Variants in GRIK2 observed in about 807,000 individuals in gnomAD.
GRIK2 encodes the protein glutamate receptor ionotropic, kainate 2.
In GRIK2, 32 loss-of-function variants were observed where a neutral mutation model predicts 100.3. The ratio of observed to expected loss-of-function variants is 0.32; its 90% CI spans 0.24 to 0.43. The LOEUF (loss-of-function observed/expected upper bound fraction) is 0.43, where lower values mean the gene tolerates loss of function less well. Among genes scored for constraint, GRIK2 ranks in the 20% least tolerant of loss-of-function variants. GRIK2 has a pLI of 1.00. For missense variants in GRIK2, 843 were observed against 1,114.9 expected, an observed-to-expected ratio of 0.76 and a Z score of 3.47; for synonymous variants, 417 against 389.4, an observed-to-expected ratio of 1.07 and a Z score of -0.83.
At chr6:101,409,527 T>C (rs1775778005) in intron 2 of GRIK2, among the ~76,000 whole-genome samples, 1 of 152,144 alleles carries the variant, frequency 6.6e-6, no homozygotes, top group Non-Finnish European at 1.5e-5. Flanking sequence ...GTAGAATAGA[T>C]TTATTTTTAG....
intron 10 of GRIK2, among the ~76,000 whole-genome samples, chr6:101,830,745 G>C (rs574551469): frequency 2.0e-5 from 3 of 151,486 alleles, no homozygotes; most frequent in African/African-American, 7.2e-5. Context: ...GGGGAAAAAA[G>C]GTAATGCTTA....
rs780526806 is a variant in GRIK2 at position 101,858,386 on chromosome 6, C to CTT, written c.1318-883_1318-882dup. 8.3e-3 allele frequency among the ~76,000 whole-genome samples: 761 copies of CTT among 91,638 alleles called. 13 individuals carry two copies. Among genetic ancestry groups the CTT allele is most frequent in the African/African-American group, 0.021 (536 of 25,960 alleles). The allele number at this position is 91,638 out of a possible 152,430, so 60.1% of individuals were successfully genotyped here. ...CCTCTCTCTCTCTCTATTTTTTTTT[C>CTT]TTTTTTTTTTTTTTTTTTTGAGACG... On this transcript the variant is annotated intron_variant, in intron 10 of 16. Transcript: ENST00000369134.
chr6:101,918,886 G>T (rs1172211902), intron 12 of GRIK2, among the ~76,000 whole-genome samples: 1 of 151,688 alleles, frequency 6.6e-6, no homozygotes, highest in African/African-American at 2.4e-5. Context: ...TACAGCAAAA[G>T]ACAGTAGGTG....
At chr6:101,926,074 A>G (rs1278690290) in intron 13 of GRIK2, among the ~76,000 whole-genome samples, 1 of 151,386 alleles carries the variant, frequency 6.6e-6, no homozygotes, top group Non-Finnish European at 1.5e-5. Flanking sequence ...AAACTTGAAA[A>G]TCCAGAAAAC....
intron 2 of GRIK2, among the ~76,000 whole-genome samples, chr6:101,424,974 C>T (rs1212457915): frequency 6.6e-6 from 1 of 152,100 alleles, no homozygotes; most frequent in Non-Finnish European, 1.5e-5. Context: ...CATTGTTGGA[C>T]ATTTGGGTTG....
At chr6:101,810,982 T>A (rs1781291162) in intron 9 of GRIK2, among the ~76,000 whole-genome samples, 1 of 152,108 alleles carries the variant, frequency 6.6e-6, no homozygotes, top group African/African-American at 2.4e-5. Context: ...GGAAACATCT[T>A]TCATACGTAA....
chr6:101,747,868 T>C (rs1160424216), intron 7 of GRIK2, among the ~76,000 whole-genome samples: 1 of 152,170 alleles, frequency 6.6e-6, no homozygotes, highest in Admixed American at 6.5e-5. Context: ...TCTTTGGGTA[T>C]TATTTCACAA....
intron 14 of GRIK2, among the ~76,000 whole-genome samples, chr6:101,969,777 G>C (rs1297658219): frequency 6.6e-6 from 1 of 151,932 alleles, no homozygotes; most frequent in Non-Finnish European, 1.5e-5. Context: ...ACATAAATTG[G>C]AGTAATCATA....
Position 101,655,503 on chromosome 6 carries a change from C to G in GRIK2, c.542-21120C>G, listed in dbSNP as rs117985053. Among the ~76,000 whole-genome samples, 18 of 152,102 alleles carry G rather than the reference C, an allele frequency of 1.2e-4. No individual in the cohort carries two copies. In the East Asian group the frequency reaches 3.5e-3, roughly 29 times the overall value. On this transcript the variant is annotated intron_variant, in intron 4 of 16. Transcript: ENST00000369134. ...ACCTGCCACTTATTAAAGTAATTTT[C>G]AATTTGCTTAAGTCTCTGTGCCTCA...
intron 10 of GRIK2, among the ~76,000 whole-genome samples, chr6:101,821,400 G>GACTTTGAAACTTGGAC (rs749343546): frequency 2.7e-4 from 41 of 152,016 alleles, no homozygotes; most frequent in Admixed American, 1.2e-3. Context: ...AGTATTTCTG[G>GACTTTGAAACTTGGAC]ACTTTGAATC....
At chr6:101,699,553 C>A (rs536037302) in intron 7 of GRIK2, among the ~76,000 whole-genome samples, 1 of 152,226 alleles carries the variant, frequency 6.6e-6, no homozygotes, top group South Asian at 2.1e-4. Context: ...ACTTGAGCAT[C>A]CTCAGTCCCT....
At chr6:101,622,944 A>T (rs958277985) in intron 3 of GRIK2, among the ~76,000 whole-genome samples, 1 of 151,986 alleles carries the variant, frequency 6.6e-6, no homozygotes, top group African/African-American at 2.4e-5. Context: ...ATATGTAGAT[A>T]ATCTTATAGT....
Position 101,646,066 on chromosome 6 carries a change from G to GACTTTTCTCTCCCCAGTAAGCTT in GRIK2, c.541+19452_541+19474dup, listed in dbSNP as rs569340511. 3.4e-3 allele frequency among the ~76,000 whole-genome samples: 523 copies of GACTTTTCTCTCCCCAGTAAGCTT among 151,880 alleles called. 1 individual carries two copies. Among genetic ancestry groups the GACTTTTCTCTCCCCAGTAAGCTT allele is most frequent in the African/African-American group, 0.012 (501 of 41,458 alleles). ...CTGTGACTGCCCATTCTTCTCATAA[G>GACTTTTCTCTCCCCAGTAAGCTT]ACTTTTCTCTCCCCAGTAAGCTTAC... On this transcript the variant is annotated intron_variant, in intron 4 of 16. Coordinates refer to ENST00000369134, the MANE Select transcript of GRIK2 (RefSeq NM_021956.5).
chr6:101,567,681 C>T (rs2128297925), intron 2 of GRIK2, among the ~76,000 whole-genome samples: 1 of 151,998 alleles, frequency 6.6e-6, no homozygotes, highest in South Asian at 2.1e-4. Context: ...GGAATCTAAA[C>T]CTTAATCAAT....
In GRIK2 at chr6:101,691,303, CT is replaced by C. The variant is rs367732807; in HGVS notation, c.951+4964del. Among the ~76,000 whole-genome samples, 664 of 140,958 alleles carry C rather than the reference CT, an allele frequency of 4.7e-3. 7 individuals are homozygous for C. Among genetic ancestry groups the C allele is most frequent in the African/African-American group, 0.011 (433 of 38,784 alleles). The allele number at this position is 140,958 out of a possible 152,430, so 92.5% of individuals were successfully genotyped here. The stretch of plus-strand genomic sequence containing the variant: ...CAGAAGCTTAGAAATACTTTTTTTT[CT>C]TTTTTTTTTTTTTGAGACAGAGTCT... On this transcript the variant is annotated intron_variant, in intron 7 of 16. Transcript: ENST00000369134.
In GRIK2 at chr6:101,532,614, C is replaced by T. The variant is rs567169924; in HGVS notation, c.116-89335C>T. On this transcript the variant is annotated intron_variant, in intron 2 of 16. Coordinates refer to ENST00000369134, the MANE Select transcript of GRIK2 (RefSeq NM_021956.5). ...AAGAGCTGGGAATAGGGACAGATTTCGAAGTTTAATGAATAAGATACTAAA... is the reference window on the plus strand; with the variant it reads ...AAGAGCTGGGAATAGGGACAGATTTTGAAGTTTAATGAATAAGATACTAAA... 9.4e-5 allele frequency among the ~76,000 whole-genome samples: 14 copies of T among 148,410 alleles called. No individual in the cohort carries two copies. The East Asian group carries it at 1.4e-3, about 15-fold the overall frequency.
At chr6:101,744,521 C>CGT (rs1776263816) in intron 7 of GRIK2, 1 of 64,336 alleles carries the variant, frequency 1.6e-5, no homozygotes, top group Non-Finnish European at 3.0e-5. Flanking sequence ...TGTGCGTGCG[C>CGT]GCATATATAT....
chr6:101,538,993 C>G (rs1775858743), intron 2 of GRIK2, among the ~76,000 whole-genome samples: 1 of 150,424 alleles, frequency 6.6e-6, no homozygotes, highest in African/African-American at 2.4e-5. Context: ...TAGTACCACA[C>G]AAAGGAAAAA....
At chr6:101,957,967 C>T (rs938900440) in intron 14 of GRIK2, among the ~76,000 whole-genome samples, 2 of 151,940 alleles carry the variant, frequency 1.3e-5, no homozygotes, top group Non-Finnish European at 2.9e-5. Flanking sequence ...TGTGATACAT[C>T]AAGCTTTGAT....
Sources: allele counts gnomAD v4.1 joint callset (sites outside exome capture counted in the v4.1 genomes callset), GRCh38; gene constraint gnomAD v4.1.1; transcripts MANE v1.5; gene names NCBI Gene and HGNC (gene_info 2026-07-23, HGNC 2026-07-21).